ZC3H12B: variants seen among roughly 807,000 people sequenced by gnomAD.
The protein encoded by ZC3H12B is zinc finger CCCH-type containing 12B.
ZC3H12B carries 7 observed loss-of-function variants against 43.9 expected under a neutral mutation model. The observed-to-expected ratio is 0.16, with a 90% confidence interval of 0.09 to 0.30. The LOEUF (loss-of-function observed/expected upper bound fraction) is 0.30. Ranked by LOEUF, ZC3H12B falls within the 10% of genes least tolerant of loss-of-function variation. ZC3H12B has a pLI of 1.00. For missense variants in ZC3H12B, 475 were observed against 670.2 expected, an observed-to-expected ratio of 0.71 and a Z score of 3.22; for synonymous variants, 222 against 241.7, an observed-to-expected ratio of 0.92 and a Z score of 0.76.
chrX:65,078,835 C>T, the ZC3H12B span, among the ~76,000 whole-genome samples: 1 of 111,763 alleles, frequency 8.9e-6, no homozygotes, highest in South Asian at 3.8e-4. Flanking sequence ...GAAAATAGGT[C>T]ATCCATACCC....
At chrX:65,052,225 A>G in the ZC3H12B span, among the ~76,000 whole-genome samples, 2 of 111,306 alleles carry the variant, frequency 1.8e-5, no homozygotes, top group African/African-American at 6.5e-5. Flanking sequence ...TTTGGGATAC[A>G]TGATATGTTT....
the ZC3H12B span, among the ~76,000 whole-genome samples, chrX:65,207,657 C>T: frequency 8.3e-4 from 85 of 102,761 alleles, no homozygotes; most frequent in Middle Eastern, 5.0e-3. Context: ...CTTGGCAATG[C>T]GGGCTCTTTT....
chrX:65,395,540 C>A (rs780301083), intron 2 of ZC3H12B, among the ~76,000 whole-genome samples: 5 of 112,235 alleles, frequency 4.5e-5, no homozygotes, highest in African/African-American at 1.6e-4. Context: ...ACTAGCCTTG[C>A]ATCTCAGGGA....
At chrX:65,147,443 G>A in the ZC3H12B span, among the ~76,000 whole-genome samples, 2 of 111,693 alleles carry the variant, frequency 1.8e-5, no homozygotes, top group Non-Finnish European at 3.8e-5. Flanking sequence ...GGGTGGGCCT[G>A]GAGCCTGTGT....
the ZC3H12B span, chrX:65,186,093 G>A: frequency 9.0e-6 from 1 of 111,597 alleles, no homozygotes; most frequent in Non-Finnish European, 1.9e-5. Flanking sequence ...CTGACACCTT[G>A]GGTAGCTTGG....
At chrX:65,385,915 G>T (rs1372665140) in intron 2 of ZC3H12B, among the ~76,000 whole-genome samples, 1 of 112,294 alleles carries the variant, frequency 8.9e-6, no homozygotes, top group Non-Finnish European at 1.9e-5. Flanking sequence ...TGTGGTTTTT[G>T]TCTTTGGTTC....
upstream of ZC3H12B, among the ~76,000 whole-genome samples, chrX:65,365,442 A>C (rs1344608968): frequency 9.0e-6 from 1 of 110,847 alleles, no homozygotes; most frequent in African/African-American, 3.3e-5. Flanking sequence ...TATACAACAA[A>C]TGCTACTTCT....
chrX:65,206,587 T>A, the ZC3H12B span, among the ~76,000 whole-genome samples: 5 of 111,891 alleles, frequency 4.5e-5, no homozygotes, highest in Non-Finnish European at 9.4e-5. Context: ...AAAATCCTTC[T>A]GGACATTGGC....
At chrX:65,445,483 T>C (rs2067363541) in intron 3 of ZC3H12B, among the ~76,000 whole-genome samples, 2 of 112,408 alleles carry the variant, frequency 1.8e-5, no homozygotes. Context: ...TTCACTTCCT[T>C]TATTTTCCCC....
upstream of ZC3H12B, among the ~76,000 whole-genome samples, chrX:65,487,330 A>G (rs1192725987): frequency 8.9e-6 from 1 of 112,248 alleles, no homozygotes; most frequent in Non-Finnish European, 1.9e-5. Flanking sequence ...CACCTGAGGT[A>G]AGGAGTTCGA....
chrX:65,226,463 C>T, the ZC3H12B span, among the ~76,000 whole-genome samples: 1 of 111,247 alleles, frequency 9.0e-6, no homozygotes, highest in Admixed American at 9.6e-5. Context: ...ACTGCGTCAA[C>T]CTGCGTCAAC....
chrX:65,318,400 CTTCTTCT>C, the ZC3H12B span, among the ~76,000 whole-genome samples: 3 of 104,942 alleles, frequency 2.9e-5, no homozygotes, highest in African/African-American at 7.0e-5. Flanking sequence ...CTTCCTTCTT[CTTCTTCT>C]TTCTTCTTTC....
chrX:65,192,771 G>GATAT, the ZC3H12B span, among the ~76,000 whole-genome samples: 1 of 107,197 alleles, frequency 9.3e-6, no homozygotes, highest in Non-Finnish European at 1.9e-5. Context: ...GATTTTCCCA[G>GATAT]ATAGATAGAT....
chrX:65,309,893 A>G, the ZC3H12B span, among the ~76,000 whole-genome samples: 1 of 112,322 alleles, frequency 8.9e-6, no homozygotes, highest in Non-Finnish European at 1.9e-5. Context: ...AACCAAAGAC[A>G]AAAACCACAT....
At chrX:65,137,108 C>T in the ZC3H12B span, among the ~76,000 whole-genome samples, 1 of 111,769 alleles carries the variant, frequency 8.9e-6, no homozygotes, top group Non-Finnish European at 1.9e-5. Context: ...TCAAATTTAG[C>T]AAACCTTTAT....
At chrX:65,339,729 G>T in the ZC3H12B span, among the ~76,000 whole-genome samples, 1 of 111,172 alleles carries the variant, frequency 9.0e-6, no homozygotes, top group Non-Finnish European at 1.9e-5. Flanking sequence ...GCAGTGCTTT[G>T]GGGGCTCAGA....
At chrX:65,040,930 G>T in the ZC3H12B span, among the ~76,000 whole-genome samples, 1 of 110,649 alleles carries the variant, frequency 9.0e-6, no homozygotes, top group Non-Finnish European at 1.9e-5. Flanking sequence ...AACTACAGGT[G>T]TGCGCCACCA....
the ZC3H12B span, among the ~76,000 whole-genome samples, chrX:65,293,598 A>T: frequency 9.5e-6 from 1 of 105,304 alleles, no homozygotes; most frequent in Admixed American, 1.0e-4. Flanking sequence ...TTAAAGAAAT[A>T]AAAAAAAAAG....
At chrX:65,277,271 G>A in the ZC3H12B span, among the ~76,000 whole-genome samples, 4 of 111,194 alleles carry the variant, frequency 3.6e-5, no homozygotes, top group Admixed American at 9.6e-5. Context: ...TAATAGTTGG[G>A]GAGTTCAACA....
Sources: allele counts gnomAD v4.1 joint callset (sites outside exome capture counted in the v4.1 genomes callset), GRCh38; gene constraint gnomAD v4.1.1; transcripts MANE v1.5; gene names NCBI Gene and HGNC (gene_info 2026-07-23, HGNC 2026-07-21).